Variants in TBC1D2 observed in about 807,000 individuals in gnomAD.
TBC1D2 encodes TBC1 domain family member 2.
Under a neutral mutation model 91.1 loss-of-function variants are expected in TBC1D2, and 58 were observed. The ratio of observed to expected loss-of-function variants is 0.64; its 90% confidence interval spans 0.52 to 0.79. The LOEUF (loss-of-function observed/expected upper bound fraction) is 0.79, where lower values mean the gene tolerates loss of function less well. TBC1D2 is among the 30% of genes least tolerant of loss of function. The pLI is 0.00. For synonymous variants in TBC1D2, 482 were observed against 511.5 expected (o/e 0.94, Z 0.78); for missense variants, 1,080 against 1,208.3 (o/e 0.89, Z 1.57).
Position 98,255,534 on chromosome 9 carries a change from C to T in TBC1D2, c.8G>A (p.Gly3Asp), listed in dbSNP as rs1829959110. 1 of 1,513,954 alleles carries T rather than the reference C, an allele frequency of 6.6e-7. No individual in the cohort carries two copies. The highest frequency in any genetic ancestry group is 1.4e-5 in the African/African-American group (1 of 71,862). 93.8% of individuals were successfully genotyped at this position (1,513,954 alleles called of 1,614,324 possible). ...GGACTCCGGGGCGTTCTCCCCAGCGCCCTCCATCGCTGCCAGCCGGAGACT... is the reference window on the plus strand; with the variant it reads ...GGACTCCGGGGCGTTCTCCCCAGCGTCCTCCATCGCTGCCAGCCGGAGACT... ME[G>D]AGENAPESSS... is the part of the protein sequence containing the mutation. The change falls in exon 1 of 13, where the codon GGC (glycine) becomes GAC (aspartate). Residue 3 changes from glycine (G) to aspartate (D), a missense_variant. Gly to Asp is a moderately conservative substitution (Grantham distance 94). Coordinates refer to ENST00000465784, the MANE Select transcript of TBC1D2 (RefSeq NM_001267571.2).
At chr9:98,230,612 C>T (rs10441752) in intron 4 of TBC1D2, among the ~76,000 whole-genome samples, 10,432 of 152,198 alleles carry the variant, frequency 0.069, 533 homozygotes, top group Middle Eastern at 0.1. Flanking sequence ...CAGTAGGTGA[C>T]AGGAACCAGA....
intron 9 of TBC1D2, among the ~76,000 whole-genome samples, chr9:98,205,462 A>G (rs1828624697): frequency 6.6e-6 from 1 of 152,262 alleles, no homozygotes; most frequent in Non-Finnish European, 1.5e-5. Flanking sequence ...TTTGCTCTAA[A>G]TTAGCATTAG....
intron 9 of TBC1D2, among the ~76,000 whole-genome samples, chr9:98,204,067 T>C (rs1482618353): frequency 6.6e-6 from 1 of 152,076 alleles, no homozygotes; most frequent in Non-Finnish European, 1.5e-5. Context: ...TCTAATGAAA[T>C]CATGGGTAAG....
chr9:98,235,715 G>A (rs1829486808), intron 3 of TBC1D2: 1 of 283,538 alleles, frequency 3.5e-6, no homozygotes, highest in Admixed American at 4.9e-5. Context: ...TGCTGAAGAT[G>A]TGTATCCCTA....
chr9:98,215,731 C>T (rs1215374374), intron 6 of TBC1D2, among the ~76,000 whole-genome samples: 1 of 152,186 alleles, frequency 6.6e-6, no homozygotes, highest in East Asian at 1.9e-4. Context: ...TTTTCAAACT[C>T]CTGGCCTCAA....
In TBC1D2 at chr9:98,228,214, T is replaced by C. The variant is rs1021671585; in HGVS notation, c.978+738A>G. ...GGATTTATGTAACAACTGCCTAACTTAGTCGCTTTTATCACTCTAAAGAGG... is the reference window on the plus strand; with the variant it reads ...GGATTTATGTAACAACTGCCTAACTCAGTCGCTTTTATCACTCTAAAGAGG... On this transcript the variant is annotated intron_variant, in intron 5 of 12. Transcript: ENST00000465784. This position sits in a 1 kb window ranked among gnomAD's most constrained non-coding sequence, Gnocchi z 4.0. Among the ~76,000 whole-genome samples the C allele has an allele frequency of 6.6e-6, 1 of 152,170 alleles. No individual in the cohort carries two copies. The highest frequency in any genetic ancestry group is 1.5e-5 in the Non-Finnish European group (1 of 68,024).
intron 6 of TBC1D2, among the ~76,000 whole-genome samples, chr9:98,217,163 G>A (rs946589876): frequency 2.0e-4 from 30 of 152,202 alleles, no homozygotes; most frequent in African/African-American, 7.0e-4. Flanking sequence ...CCTCCAGCTC[G>A]ATGCCCTACC....
Position 98,199,716 on chromosome 9 carries a change from A to G in TBC1D2, c.2580-128T>C, listed in dbSNP as rs1199406465. 15 of 913,838 alleles carry G rather than the reference A, an allele frequency of 1.6e-5. No individual in the cohort carries two copies. The Admixed American group carries it at 3.0e-4, about 18-fold the overall frequency. The allele number at this position is 913,838 out of a possible 1,614,324, so 56.6% of individuals were successfully genotyped here. Reference sequence around the variant, plus strand: ...CTGAGCCCTGACCCCTGCCCTCAGGAGGAAACAATGAATAAGATGATTTCC... The same window carrying G: ...CTGAGCCCTGACCCCTGCCCTCAGGGGGAAACAATGAATAAGATGATTTCC... On this transcript the variant is annotated intron_variant, in intron 12 of 12. Coordinates refer to ENST00000465784, the MANE Select transcript of TBC1D2 (RefSeq NM_001267571.2).
At chr9:98,230,421 T>C (rs1373721006) in intron 4 of TBC1D2, among the ~76,000 whole-genome samples, 1 of 152,204 alleles carries the variant, frequency 6.6e-6, no homozygotes, top group Non-Finnish European at 1.5e-5. Flanking sequence ...TGCAGGAGTA[T>C]GCATTTTAGT....
At chr9:98,242,806 T>TA (rs1213776110) in intron 3 of TBC1D2, among the ~76,000 whole-genome samples, 2 of 69,988 alleles carry the variant, frequency 2.9e-5, no homozygotes, top group Non-Finnish European at 6.5e-5. Flanking sequence ...CTGCTGCCTT[T>TA]TTTTTTTTTT....
intron 9 of TBC1D2, among the ~76,000 whole-genome samples, chr9:98,204,588 A>G (rs768145399): frequency 1.3e-5 from 2 of 152,158 alleles, no homozygotes; most frequent in Non-Finnish European, 2.9e-5. Context: ...CATGACCTCC[A>G]CCTTCTTTTG....
chr9:98,201,322 A>G (rs1212085552), intron 11 of TBC1D2, among the ~76,000 whole-genome samples, 157 bp downstream of exon 11: 1 of 152,212 alleles, frequency 6.6e-6, no homozygotes, highest in Non-Finnish European at 1.5e-5. Context: ...CTTCTCATAC[A>G]TGCAAAGCAT....
intron 7 of TBC1D2, among the ~76,000 whole-genome samples, chr9:98,212,554 T>G (rs1257975160): frequency 6.6e-6 from 1 of 151,232 alleles, no homozygotes; most frequent in Non-Finnish European, 1.5e-5. Flanking sequence ...CAGGCTGGAG[T>G]GCAGTGGCGC....
intron 10 of TBC1D2, among the ~76,000 whole-genome samples, 173 bp downstream of exon 10, chr9:98,203,115 A>C (rs886644735): frequency 6.6e-6 from 1 of 152,258 alleles, no homozygotes; most frequent in African/African-American, 2.4e-5. Context: ...TCCCCGATTG[A>C]AGCTGTTGTT....
intron 12 of TBC1D2, among the ~76,000 whole-genome samples, 181 bp downstream of exon 12, chr9:98,200,072 G>A (rs897406995): frequency 1.3e-5 from 2 of 152,154 alleles, no homozygotes; most frequent in Non-Finnish European, 2.9e-5. Context: ...GGCCTCAAAT[G>A]CCATGTTAAG....
In TBC1D2 at chr9:98,229,016, T is replaced by G. The variant is rs371664867; in HGVS notation, c.914A>C (p.Gln305Pro). 7.2e-5 allele frequency: 116 copies of G among 1,614,092 alleles called. No homozygotes were observed. The highest frequency in any genetic ancestry group is 2.0e-4 in the Admixed American group (12 of 59,998). The change falls in exon 5 of 13, where the codon CAG becomes CCG. Residue 305 changes from glutamine (Q) to proline (P), a missense_variant. Coordinates refer to ENST00000465784, the MANE Select transcript of TBC1D2 (RefSeq NM_001267571.2). ...TTGCTCCAAGGCTGCCACTTTCTCCTGGGCAGTTCGGTTCCGTGTGATTCC... is the reference window on the plus strand; with the variant it reads ...TTGCTCCAAGGCTGCCACTTTCTCCGGGGCAGTTCGGTTCCGTGTGATTCC... ...SEGITRNRTA[Q>P]EKVAALEQQV...
intron 12 of TBC1D2, 83 bp from the exon 13 acceptor site, chr9:98,199,671 C>T: frequency 6.9e-7 from 1 of 1,452,234 alleles, no homozygotes. Context: ...GACATCCCCG[C>T]ATTCCTTCTG....
chr9:98,210,547 G>C, intron 8 of TBC1D2, 109 bp downstream of exon 8: 1 of 1,056,702 alleles, frequency 9.5e-7, no homozygotes, highest in Non-Finnish European at 1.3e-6. Context: ...GATCAGAGGA[G>C]GTAGTGCTGT....
chr9:98,210,551 G>T, intron 8 of TBC1D2, 105 bp downstream of exon 8: 1 of 1,102,730 alleles, frequency 9.1e-7, no homozygotes, highest in Non-Finnish European at 1.3e-6. Flanking sequence ...AGAGGAGGTA[G>T]TGCTGTGTAG....
Sources: gnomAD v4.1 joint callset for allele counts (sites outside exome capture counted in the v4.1 genomes callset) on GRCh38, gnomAD v4.1.1 for gene constraint, Gnocchi (gnomAD v3.1) non-coding constraint, MANE v1.5 for transcripts, NCBI Gene and HGNC (gene_info 2026-07-23, HGNC 2026-07-21) for gene names.